Variants in TRDMT1 observed in about 807,000 individuals in gnomAD.
TRDMT1 encodes the protein tRNA aspartic acid methyltransferase 1.
Under a neutral mutation model 51.2 loss-of-function variants are expected in TRDMT1, and 49 were observed. That is an observed-to-expected ratio of 0.96 (90% CI 0.76 to 1.21). The LOEUF (loss-of-function observed/expected upper bound fraction) is 1.21, where lower values mean the gene tolerates loss of function less well. Among genes scored for constraint, TRDMT1 ranks in the 50% most tolerant of loss-of-function variants. TRDMT1 has a pLI of 0.00. For missense variants in TRDMT1, 534 were observed against 462.3 expected (o/e 1.16, Z -1.42); for synonymous variants, 187 against 164.6 (o/e 1.14, Z -1.04).
chr10:17,196,603 A>T (rs1338096165), intron 1 of TRDMT1, among the ~76,000 whole-genome samples: 1 of 152,242 alleles, frequency 6.6e-6, no homozygotes, highest in African/African-American at 2.4e-5. Context: ...AGTACACATA[A>T]GTAGTTTCTG....
At chr10:17,151,479 T>A in intron 10 of TRDMT1, 1 of 974,876 alleles carries the variant, frequency 1.0e-6, no homozygotes, top group Non-Finnish European at 1.2e-6. Context: ...GCTCAAACAA[T>A]GCCCATTTTT....
At chr10:17,161,762 T>C (rs1305129476) in intron 4 of TRDMT1, among the ~76,000 whole-genome samples, 5 of 152,218 alleles carry the variant, frequency 3.3e-5, no homozygotes, top group East Asian at 1.9e-4. Flanking sequence ...TTGATTTCCA[T>C]TGAAGTTTAT....
chr10:17,138,162 A>G lies in TRDMT1; in HGVS notation c.*10878T>C, dbSNP rs750693873. Reference sequence around the variant, plus strand: ...CTAATGCTAGCTCCCATTACATGTTATAGCTTCAATCTGGCTTTTGTGCTT... The same window carrying G: ...CTAATGCTAGCTCCCATTACATGTTGTAGCTTCAATCTGGCTTTTGTGCTT... On this transcript the variant is annotated 3_prime_UTR_variant, in exon 11 of 11. Coordinates refer to ENST00000377799, the MANE Select transcript of TRDMT1 (RefSeq NM_004412.7). 2.6e-5 allele frequency among the ~76,000 whole-genome samples: 4 copies of G among 152,186 alleles called. No individual in the cohort carries two copies. Among genetic ancestry groups the G allele is most frequent in the Non-Finnish European group, 4.4e-5 (3 of 68,036 alleles).
At chr10:17,151,462 A>G in intron 10 of TRDMT1, 1 of 972,090 alleles carries the variant, frequency 1.0e-6, no homozygotes, top group Non-Finnish European at 1.2e-6. Context: ...TTGCCAGTAG[A>G]CAAACAGCTC....
chr10:17,152,261 A>G (rs1308200126), intron 10 of TRDMT1, among the ~76,000 whole-genome samples: 1 of 152,194 alleles, frequency 6.6e-6, no homozygotes, highest in Non-Finnish European at 1.5e-5. Context: ...ACTCCCCAGG[A>G]TATTTGGGAC....
In TRDMT1 at chr10:17,146,891, A is replaced by T; in HGVS notation, c.*2149T>A. 2.0e-6 allele frequency: 2 copies of T among 981,720 alleles called. No homozygotes were observed. Among genetic ancestry groups the T allele is most frequent in the Non-Finnish European group, 2.4e-6 (2 of 828,278 alleles). The allele number at this position is 981,720 out of a possible 1,614,324, so 60.8% of individuals were successfully genotyped here. On this transcript the variant is annotated 3_prime_UTR_variant, in exon 11 of 11. Transcript: ENST00000377799. ...CACTGGTAGATACATCTTCATTAAG[A>T]TGTGAGTTTTATGCTTGTTACTGCA... is the stretch of plus-strand genomic sequence containing the variant.
intron 1 of TRDMT1, among the ~76,000 whole-genome samples, chr10:17,196,931 A>G (rs1341983910): frequency 6.6e-6 from 1 of 152,192 alleles, no homozygotes; most frequent in Non-Finnish European, 1.5e-5. Context: ...GGTAAGAGGC[A>G]TCCACCTCTC....
At chr10:17,160,647 A>G (rs1840216396) in intron 5 of TRDMT1, among the ~76,000 whole-genome samples, 1 of 151,854 alleles carries the variant, frequency 6.6e-6, no homozygotes, top group South Asian at 2.1e-4. Context: ...ATTTTTTTGT[A>G]TTTTTAGTAG....
rs891423458 is a variant in TRDMT1 at position 17,148,646 on chromosome 10, A to T, written c.*394T>A. On this transcript the variant is annotated 3_prime_UTR_variant, in exon 11 of 11. Coordinates refer to ENST00000377799, the MANE Select transcript of TRDMT1 (RefSeq NM_004412.7). ...GGGCTAGAATTAGAATCATTATTTT[A>T]AAATTAGAAATAAAAAACTTCTTTA... 4 of 966,358 alleles carry T rather than the reference A, an allele frequency of 4.1e-6. No individual in the cohort carries two copies. Among genetic ancestry groups the T allele is most frequent in the Admixed American group, 6.2e-5 (1 of 16,046 alleles). The allele number at this position is 966,358 out of a possible 1,614,324, so 59.9% of individuals were successfully genotyped here.
At chr10:17,200,532 T>A (rs1019188902) in intron 1 of TRDMT1, 2 of 167,926 alleles carry the variant, frequency 1.2e-5, no homozygotes, top group African/African-American at 4.8e-5. Flanking sequence ...TTACTCTTGT[T>A]ACTCTTGGTC....
At chr10:17,201,434 A>T in intron 1 of TRDMT1, 137 bp downstream of exon 1, 1 of 801,540 alleles carries the variant, frequency 1.2e-6, no homozygotes. Flanking sequence ...TGTTTCCAGG[A>T]CAACCGAGGG....
chr10:17,183,622 T>C (rs1374137746), intron 1 of TRDMT1, among the ~76,000 whole-genome samples: 1 of 152,166 alleles, frequency 6.6e-6, no homozygotes, highest in Non-Finnish European at 1.5e-5. Flanking sequence ...TTTCACCACA[T>C]TGGCCAGGCT....
At position 17,143,275 on chromosome 10, in the gene TRDMT1, GT is replaced by G. The variant is rs1220938042; in HGVS notation, c.*5764del. 1.0e-6 allele frequency: 1 copy of G among 984,186 alleles called. No homozygotes were observed. The highest frequency in any genetic ancestry group is 1.2e-6 in the Non-Finnish European group (1 of 828,934). The allele number at this position is 984,186 out of a possible 1,614,324, so 61.0% of individuals were successfully genotyped here. ...TGAGTGCTTACTATGTGCCAGTACT[GT>G]TTTAAGTCACTGGGGGGACAACGTA... On this transcript the variant is annotated 3_prime_UTR_variant, in exon 11 of 11. Transcript: ENST00000377799.
chr10:17,170,406 A>AT (rs1841805133), intron 2 of TRDMT1, among the ~76,000 whole-genome samples: 1 of 152,236 alleles, frequency 6.6e-6, no homozygotes, highest in Non-Finnish European at 1.5e-5. Flanking sequence ...TTTTTACCTT[A>AT]TATGACTATA....
chr10:17,200,488 G>A (rs116345316), intron 1 of TRDMT1: 5 of 167,796 alleles, frequency 3.0e-5, no homozygotes, highest in Admixed American at 6.6e-5. Flanking sequence ...AAACTTATAC[G>A]CTAAACCCAT....
intron 8 of TRDMT1, 138 bp from the exon 9 acceptor site, chr10:17,154,872 C>A: frequency 1.4e-6 from 1 of 698,210 alleles, no homozygotes; most frequent in Non-Finnish European, 2.2e-6. Context: ...ACATAAATAT[C>A]CTTTGTAGGT....
intron 2 of TRDMT1, chr10:17,172,079 AC>A (rs1588593658): frequency 6.0e-6 from 1 of 166,900 alleles, no homozygotes. Context: ...TAATGGTCAA[AC>A]CCCCCAAATT....
intron 1 of TRDMT1, among the ~76,000 whole-genome samples, chr10:17,196,273 A>G (rs977496563): frequency 6.6e-6 from 1 of 152,268 alleles, no homozygotes; most frequent in Non-Finnish European, 1.5e-5. Flanking sequence ...TCCTTGGAAG[A>G]GCTTTAGAAG....
intron 10 of TRDMT1, chr10:17,150,443 C>T: frequency 2.0e-6 from 2 of 985,294 alleles, no homozygotes; most frequent in Non-Finnish European, 2.4e-6. Flanking sequence ...CTTCCATTTG[C>T]TACATTCCTT....
Sources: allele counts gnomAD v4.1 joint callset (sites outside exome capture counted in the v4.1 genomes callset), GRCh38; gene constraint gnomAD v4.1.1; transcripts MANE v1.5; gene names NCBI Gene and HGNC (gene_info 2026-07-23, HGNC 2026-07-21).